Variants in SLC22A2 observed in about 807,000 individuals in gnomAD.
The protein encoded by SLC22A2 is solute carrier family 22 member 2, also known as organic cation transporter 2.
Under a neutral mutation model 60.5 loss-of-function variants are expected in SLC22A2, and 46 were observed. The observed-to-expected ratio is 0.76, with a 90% CI of 0.60 to 0.97. SLC22A2 has a LOEUF of 0.97. SLC22A2 is among the 50% of genes least tolerant of loss of function. SLC22A2 has a pLI of 0.00. For missense variants in SLC22A2, 701 were observed against 706.6 expected, an observed-to-expected ratio of 0.99 and a Z score of 0.09; for synonymous variants, 303 against 267.0, an observed-to-expected ratio of 1.13 and a Z score of -1.31.
At chr6:160,233,975 A>T (rs910406460) in intron 9 of SLC22A2, among the ~76,000 whole-genome samples, 10 of 152,120 alleles carry the variant, frequency 6.6e-5, no homozygotes, top group African/African-American at 2.2e-4. Context: ...TGTGACCTGC[A>T]CGTATACATC....
chr6:160,257,682 GTA>G (rs1783296493), intron 1 of SLC22A2: 1 of 152,146 alleles, frequency 6.6e-6, no homozygotes, highest in Non-Finnish European at 1.5e-5. Context: ...GGCTCTCTCA[GTA>G]TTTTCAGGTA....
chr6:160,231,896 AT>A (rs1292795833), intron 9 of SLC22A2, among the ~76,000 whole-genome samples: 2 of 151,834 alleles, frequency 1.3e-5, no homozygotes, highest in Admixed American at 1.3e-4. Context: ...TGTGGTCGGA[AT>A]TCTTATACAA....
intron 7 of SLC22A2, 66 bp from the exon 8 acceptor site, chr6:160,242,468 G>C: frequency 4.3e-6 from 4 of 925,810 alleles, no homozygotes; most frequent in South Asian, 1.3e-5. Context: ...CAGTGCTCCA[G>C]AGTGGGACTG....
chr6:160,243,875 A>T, intron 6 of SLC22A2, 89 bp from the exon 7 acceptor site: 1 of 848,462 alleles, frequency 1.2e-6, no homozygotes, highest in Non-Finnish European at 1.9e-6. Context: ...TGTGGATTGT[A>T]GGTCACCTTT....
intron 1 of SLC22A2, 68 bp downstream of exon 1, chr6:160,258,276 C>T: frequency 6.6e-7 from 1 of 1,517,980 alleles, no homozygotes; most frequent in Non-Finnish European, 8.8e-7. Flanking sequence ...CGGGCCTTCC[C>T]TGCTTGCTTC....
chr6:160,217,667 AC>A (rs1782562760), intron 10 of SLC22A2, among the ~76,000 whole-genome samples, 169 bp from the exon 11 acceptor site: 1 of 152,128 alleles, frequency 6.6e-6, no homozygotes, highest in Non-Finnish European at 1.5e-5. Context: ...AATGGACAGA[AC>A]TTGTTGATAA....
At chr6:160,239,773 T>G (rs1476834939) in intron 9 of SLC22A2, among the ~76,000 whole-genome samples, 2 of 152,200 alleles carry the variant, frequency 1.3e-5, no homozygotes, top group African/African-American at 4.8e-5. Flanking sequence ...CCAAGTTATC[T>G]CAGGATAAAG....
At chr6:160,218,080 C>T (rs1367346447) in intron 10 of SLC22A2, 1 of 172,860 alleles carries the variant, frequency 5.8e-6, no homozygotes, top group Non-Finnish European at 1.2e-5. Context: ...AATATTGAAT[C>T]AGCTGTGGGC....
At chr6:160,219,455 C>T (rs914049957) in intron 10 of SLC22A2, among the ~76,000 whole-genome samples, 4 of 144,066 alleles carry the variant, frequency 2.8e-5, no homozygotes, top group Admixed American at 7.0e-5. Flanking sequence ...ACGGGTGCTT[C>T]GTCGCACTGT....
intron 10 of SLC22A2, among the ~76,000 whole-genome samples, chr6:160,223,181 T>C (rs1403110503): frequency 6.6e-6 from 1 of 152,182 alleles, no homozygotes; most frequent in Non-Finnish European, 1.5e-5. Flanking sequence ...AAACATACTG[T>C]ATAAACAAAC....
chr6:160,258,516 G>A lies in SLC22A2; in HGVS notation c.242C>T (p.Ala81Val), dbSNP rs771745592. ...LNYTVPGPGP[A>V]GEASPRQCRR... ...ACACTGTCTTGGGGAGGCTTCGCCCGCAGGTCCTGGGCCCGGCACCGTGTA... is the reference window on the plus strand; with the variant it reads ...ACACTGTCTTGGGGAGGCTTCGCCCACAGGTCCTGGGCCCGGCACCGTGTA... Residue 81 changes from alanine to valine, a missense_variant, in exon 1 of 11, where the codon GCG (alanine) becomes GTG (valine). By Grantham distance (64) the Ala-to-Val change is moderately conservative. Coordinates refer to ENST00000366953, the MANE Select transcript of SLC22A2 (RefSeq NM_003058.4). 4 of 1,614,098 alleles carry A rather than the reference G, an allele frequency of 2.5e-6. No individual in the cohort carries two copies. Among genetic ancestry groups the A allele is most frequent in the East Asian group, 2.2e-5 (1 of 44,864 alleles).
Position 160,217,404 on chromosome 6 carries a change from G to GT in SLC22A2, c.*27dup. The stretch of plus-strand genomic sequence containing the variant: ...TTGGTCTTGCTGCCATCAAAGCTAG[G>GT]TCATGACAGCAGCAACGGTCTCTCT... On this transcript the variant is annotated 3_prime_UTR_variant, in exon 11 of 11. Transcript: ENST00000366953. 6.7e-7 allele frequency: 1 copy of GT among 1,491,594 alleles called. No individual in the cohort carries two copies. 92.4% of individuals were successfully genotyped at this position (1,491,594 alleles called of 1,614,324 possible). A position where few individuals can be genotyped will look rare whatever the true frequency, so the allele number is the denominator to read the frequency against.
chr6:160,231,798 TAAAA>T (rs1252891460), intron 9 of SLC22A2, among the ~76,000 whole-genome samples: 1 of 151,826 alleles, frequency 6.6e-6, no homozygotes. Flanking sequence ...TTCCATTCCT[TAAAA>T]AACAGCCCTA....
At chr6:160,250,750 T>G in intron 2 of SLC22A2, 48 bp from the exon 3 acceptor site, 2 of 1,583,552 alleles carry the variant, frequency 1.3e-6, no homozygotes, top group Non-Finnish European at 1.7e-6. Context: ...TTTTGATTTG[T>G]GAAGATTGTG....
chr6:160,221,232 A>T (rs1241855375), intron 10 of SLC22A2, among the ~76,000 whole-genome samples: 1 of 152,182 alleles, frequency 6.6e-6, no homozygotes, highest in Admixed American at 6.6e-5. Flanking sequence ...AGTTATGGAG[A>T]TGGCTTCTTT....
chr6:160,255,244 G>A (rs899123435), intron 2 of SLC22A2, among the ~76,000 whole-genome samples: 59 of 151,992 alleles, frequency 3.9e-4, no homozygotes, highest in Admixed American at 3.5e-3. Flanking sequence ...ATAACCATGG[G>A]TGATGGATGA....
In SLC22A2 at chr6:160,240,936, A is replaced by G. The variant is rs78077626; in HGVS notation, c.1501+538T>C. On this transcript the variant is annotated intron_variant, in intron 9 of 10. Transcript: ENST00000366953. Reference sequence around the variant, plus strand: ...CCTGAAATCTAATTGCTCCAGGTGCATCAACACAGGTGCTCCATTATGCTG... The same window carrying G: ...CCTGAAATCTAATTGCTCCAGGTGCGTCAACACAGGTGCTCCATTATGCTG... 2.4e-4 allele frequency among the ~76,000 whole-genome samples: 37 copies of G among 152,362 alleles called. No individual in the cohort carries two copies. The East Asian group carries it at 6.9e-3, about 29-fold the overall frequency.
At chr6:160,242,460 G>GTCCCACTC in intron 7 of SLC22A2, 58 bp from the exon 8 acceptor site, 1 of 971,874 alleles carries the variant, frequency 1.0e-6, no homozygotes, top group Non-Finnish European at 1.7e-6. Flanking sequence ...TCTTCAGACA[G>GTCCCACTC]TGCTCCAGAG....
chr6:160,217,757 C>G lies in SLC22A2; in HGVS notation c.1602-259G>C, dbSNP rs1053604323. The G allele has an allele frequency of 8.7e-6, 3 of 346,562 alleles. No individual in the cohort carries two copies. The Admixed American group carries it at 1.4e-4, about 17-fold the overall frequency. 21.5% of individuals were successfully genotyped at this position (346,562 alleles called of 1,614,324 possible). A position where few individuals can be genotyped will look rare whatever the true frequency, so the allele number is the denominator to read the frequency against. Reference sequence around the variant, plus strand: ...AAATAAGTTCCTTTTTTAGGGTGTTCACCTTTCTCTGTAATAGAGAATGTG... The same window carrying G: ...AAATAAGTTCCTTTTTTAGGGTGTTGACCTTTCTCTGTAATAGAGAATGTG... On this transcript the variant is annotated intron_variant, in intron 10 of 10. Transcript: ENST00000366953.
Sources: gnomAD v4.1 joint callset for allele counts (sites outside exome capture counted in the v4.1 genomes callset) on GRCh38, gnomAD v4.1.1 for gene constraint, MANE v1.5 for transcripts, NCBI Gene and HGNC (gene_info 2026-07-23, HGNC 2026-07-21) for gene names.